Variants in DHX8 observed in about 807,000 individuals in gnomAD.
DHX8 encodes DEAH-box helicase 8, also known as ATP-dependent RNA helicase DHX8.
Under a neutral mutation model 140.7 loss-of-function variants are expected in DHX8, and 67 were observed. That is an observed-to-expected ratio of 0.48 (90% CI 0.39 to 0.58). The LOEUF (loss-of-function observed/expected upper bound fraction) is 0.58, where lower values mean the gene tolerates loss of function less well. Ranked by LOEUF, DHX8 falls within the 20% of genes least tolerant of loss-of-function variation. The pLI, the probability that DHX8 is intolerant of heterozygous loss-of-function variation, is 0.00. For synonymous variants in DHX8, 533 were observed against 553.2 expected (o/e 0.96, Z 0.51); for missense variants, 887 against 1,550.7 (o/e 0.57, Z 7.19).
At chr17:43,544,045 G>A (rs1971666569) in intron 3 of DHX8, 1 of 152,162 alleles carries the variant, frequency 6.6e-6, no homozygotes, top group African/African-American at 2.4e-5. Context: ...CAAAAAAGGA[G>A]TTCCTAGTGT....
rs148649301 is a variant in DHX8 at position 43,492,797 on chromosome 17, G to T, written c.620G>T (p.Arg207Leu). Residue 207 changes from arginine to leucine, a missense_variant, in exon 6 of 23, where the codon CGA becomes CTA. Physicochemically the swap from Arg to Leu is moderately radical, Grantham distance 102. Transcript: ENST00000262415. ...DHKRRHRSRSRSRSRTRERNK... is the reference protein window; with the variant it reads ...DHKRRHRSRSLSRSRTRERNK... ...AAGCGGAGACACCGATCCCGCTCTC[G>T]ATCACGTTCCAGGACCCGGGAGAGG... 121 of 1,614,014 alleles carry T rather than the reference G, an allele frequency of 7.5e-5. No individual in the cohort carries two copies. Among genetic ancestry groups the T allele is most frequent in the Non-Finnish European group, 9.9e-5 (117 of 1,180,040 alleles).
chr17:43,537,875 TCC>T (rs1416508351), intron 3 of DHX8, among the ~76,000 whole-genome samples: 3 of 152,152 alleles, frequency 2.0e-5, no homozygotes, highest in African/African-American at 2.4e-5. Context: ...ACGCCTGTAA[TCC>T]CAGCACTTTG....
chr17:43,506,229 C>A (rs1205944238), intron 12 of DHX8, among the ~76,000 whole-genome samples: 1 of 151,710 alleles, frequency 6.6e-6, no homozygotes, highest in African/African-American at 2.4e-5. Context: ...TGGTCTTGAA[C>A]TCCTGGACTC....
rs150064273 is a variant in DHX8, at chr17:43,524,640, C to T, written c.*793C>T. The T allele has an allele frequency of 6.2e-4, 614 of 985,514 alleles. 6 individuals carry two copies. The African/African-American group carries it at 0.01, about 16-fold the overall frequency. The allele number at this position is 985,514 out of a possible 1,614,324, so 61.0% of individuals were successfully genotyped here. ...ATTAAATACAGAAGGTTTCCCCTTG[C>T]TCCCTCCACCTCCCACATTCGCAAT... On this transcript the variant is annotated 3_prime_UTR_variant, in exon 23 of 23. Transcript: ENST00000262415.
Position 43,486,707 on chromosome 17 carries a change from T to C in DHX8, c.148+2522T>C, listed in dbSNP as rs56874554. ...CAGCCTGACCAACATGGTGAAACCCTGTCTTACTAAAAATACAAAAATTAG... is the reference window on the plus strand; with the variant it reads ...CAGCCTGACCAACATGGTGAAACCCCGTCTTACTAAAAATACAAAAATTAG... On this transcript the variant is annotated intron_variant, in intron 1 of 22. Transcript: ENST00000262415. 2.2e-4 allele frequency among the ~76,000 whole-genome samples: 34 copies of C among 152,058 alleles called. No homozygotes were observed. The East Asian group carries it at 6.6e-3, about 30-fold the overall frequency.
chr17:43,486,193 A>G (rs1241487970), intron 1 of DHX8, among the ~76,000 whole-genome samples: 8 of 145,352 alleles, frequency 5.5e-5, no homozygotes, highest in African/African-American at 1.8e-4. Flanking sequence ...CTTTATTTCA[A>G]AAAAAAAAAA....
rs1307137758 is a variant in DHX8 at position 43,517,320 on chromosome 17, A to G, written c.2797A>G (p.Lys933Glu). 1 of 1,613,472 alleles carries G rather than the reference A, an allele frequency of 6.2e-7. No individual in the cohort carries two copies. The highest frequency in any genetic ancestry group is 1.1e-5 in the South Asian group (1 of 90,980). The change falls in exon 18 of 23, where the codon AAG becomes GAG. Residue 933 changes from lysine to glutamate, a missense_variant and splice_region_variant. Transcript: ENST00000262415. Reference protein sequence around the residue: ...TNLASTVLSLKAMGINDLLSF... With the variant: ...TNLASTVLSLEAMGINDLLSF... Reference sequence around the variant, plus strand: ...CTTAGCAAGCACAGTGCTGTCACTCAAGGTAGAAATCACTGTCTTGTTAAA... The same window carrying G: ...CTTAGCAAGCACAGTGCTGTCACTCGAGGTAGAAATCACTGTCTTGTTAAA...
Position 43,524,894 on chromosome 17 carries a change from T to C in DHX8, c.*1047T>C. ...TGCAGGGCTTGTTCTTAGTGGTTTT[T>C]TCCTAGCACTTGCTTGGAGAATAGC... is the stretch of plus-strand genomic sequence containing the variant. On this transcript the variant is annotated 3_prime_UTR_variant, in exon 23 of 23. Transcript: ENST00000262415. 6 of 985,348 alleles carry C rather than the reference T, an allele frequency of 6.1e-6. No homozygotes were observed. Among genetic ancestry groups the C allele is most frequent in the Non-Finnish European group, 7.2e-6 (6 of 829,936 alleles). The allele number at this position is 985,348 out of a possible 1,614,324, so 61.0% of individuals were successfully genotyped here.
chr17:43,509,095 G>A (rs1242674638), intron 16 of DHX8, among the ~76,000 whole-genome samples: 1 of 152,208 alleles, frequency 6.6e-6, no homozygotes, highest in East Asian at 1.9e-4. Flanking sequence ...GCTGCATTGT[G>A]AGAACAAGCC....
chr17:43,529,982 T>C (rs372672077), downstream of DHX8: 4 of 1,613,828 alleles, frequency 2.5e-6, no homozygotes, highest in Non-Finnish European at 3.4e-6. Flanking sequence ...GTTGCTCAGA[T>C]CTGGGGGTTC....
At chr17:43,491,394 A>G (rs1349560660) in intron 4 of DHX8, 144 bp downstream of exon 4, 1 of 429,848 alleles carries the variant, frequency 2.3e-6, no homozygotes, top group Non-Finnish European at 4.2e-6. Context: ...CTCCCTGAGC[A>G]TGTACTATGT....
downstream of DHX8, among the ~76,000 whole-genome samples, chr17:43,527,317 T>G (rs1241712648): frequency 1.3e-5 from 2 of 152,140 alleles, no homozygotes; most frequent in Non-Finnish European, 2.9e-5. Flanking sequence ...CTGGGAGCCT[T>G]TCTCCTTTGC....
exon 4 of DHX8, chr17:43,544,428 T>G (rs1348270678): frequency 6.5e-6 from 1 of 153,354 alleles, no homozygotes; most frequent in Non-Finnish European, 1.5e-5. Context: ...GGGCTCTCTG[T>G]GCCAAAGGAC....
rs777706273 is a variant in DHX8, at chr17:43,520,736, T to C, written c.2938-15T>C. Reference sequence around the variant, plus strand: ...TCCACAGGGAAGCAGTTGTAGTCTTTTTTTGTCCCTCTAGATGGCAGAGTT... The same window carrying C: ...TCCACAGGGAAGCAGTTGTAGTCTTCTTTTGTCCCTCTAGATGGCAGAGTT... On this transcript the variant is annotated splice_polypyrimidine_tract_variant and intron_variant, in intron 19 of 22. Transcript: ENST00000262415. 6.2e-7 allele frequency: 1 copy of C among 1,613,964 alleles called. No individual in the cohort carries two copies. Among genetic ancestry groups the C allele is most frequent in the Non-Finnish European group, 8.5e-7 (1 of 1,179,944 alleles).
chr17:43,529,069 T>C (rs1402854789), downstream of DHX8: 1 of 1,450,888 alleles, frequency 6.9e-7, no homozygotes, highest in Admixed American at 1.7e-5. Context: ...CTGCTGACCC[T>C]CTCCCCAGTC....
At chr17:43,535,237 G>A (rs564686463) in intron 2 of DHX8, among the ~76,000 whole-genome samples, 2 of 152,178 alleles carry the variant, frequency 1.3e-5, no homozygotes, top group Admixed American at 6.6e-5. Flanking sequence ...GGTGAAGACA[G>A]TTGACAGCAA....
chr17:43,493,960 C>T, intron 8 of DHX8, 74 bp downstream of exon 8: 1 of 1,498,764 alleles, frequency 6.7e-7, no homozygotes, highest in Non-Finnish European at 9.2e-7. Context: ...TGCCCTGGAG[C>T]ACGATGGCCT....
intron 3 of DHX8, chr17:43,544,045 G>T (rs1971666569): frequency 6.6e-6 from 1 of 152,162 alleles, no homozygotes; most frequent in South Asian, 2.1e-4. Context: ...CAAAAAAGGA[G>T]TTCCTAGTGT....
rs1427043759 is a variant in DHX8, at chr17:43,489,537, A to G, written c.234+3A>G. ...TCAAAAATGGTGCAGAATTTACGGT[A>G]TGTATATGTGGAGAAGATAATCTGT... On this transcript the variant is annotated splice_donor_region_variant and intron_variant, in intron 2 of 22. Transcript: ENST00000262415. The G allele has an allele frequency of 5.7e-6, 9 of 1,566,936 alleles. No homozygotes were observed. The highest frequency in any genetic ancestry group is 4.5e-5 in the East Asian group (2 of 44,612).
Sources: allele counts gnomAD v4.1 joint callset (sites outside exome capture counted in the v4.1 genomes callset), GRCh38; gene constraint gnomAD v4.1.1; transcripts MANE v1.5; gene names NCBI Gene and HGNC (gene_info 2026-07-23, HGNC 2026-07-21).